WWOX: variants seen among roughly 807,000 people sequenced by gnomAD.
WWOX encodes the protein WW domain-containing oxidoreductase.
In WWOX, 69 loss-of-function variants were observed where a neutral mutation model predicts 46.2. The observed-to-expected ratio is 1.49, with a 90% CI of 1.23 to 1.82. The LOEUF is 1.82. WWOX is among the 40% of genes most tolerant of loss of function. WWOX has a pLI of 0.00. For missense variants in WWOX, 919 were observed against 542.6 expected, an observed-to-expected ratio of 1.69 and a Z score of -6.89; for synonymous variants, 359 against 202.6, an observed-to-expected ratio of 1.77 and a Z score of -6.56.
At chr16:78,265,829 A>G (rs1235225197) in intron 5 of WWOX, 1 of 152,222 alleles carries the variant, frequency 6.6e-6, no homozygotes, top group East Asian at 1.9e-4. Flanking sequence ...TTATTTGTCA[A>G]GTAAATAGAC....
chr16:78,164,470 C>T (rs886979517), intron 5 of WWOX, among the ~76,000 whole-genome samples, 181 bp downstream of exon 5: 8 of 152,172 alleles, frequency 5.3e-5, no homozygotes, highest in African/African-American at 9.7e-5. Flanking sequence ...TTATTATTCA[C>T]GCATTTGTTT....
In WWOX at chr16:79,212,404, T is replaced by A. The variant is rs1456877232; in HGVS notation, c.*608T>A. 2.4e-6 allele frequency: 1 copy of A among 424,270 alleles called. No homozygotes were observed. The highest frequency in any genetic ancestry group is 4.2e-6 in the Non-Finnish European group (1 of 239,140). 26.3% of individuals were successfully genotyped at this position (424,270 alleles called of 1,614,324 possible). A position where few individuals can be genotyped will look rare whatever the true frequency, so the allele number is the denominator to read the frequency against. Reference sequence around the variant, plus strand: ...CTACCAGGTGGCAAAGTACTTGTCATAGACTCCTTTGCTAATGCTATGCAA... The same window carrying A: ...CTACCAGGTGGCAAAGTACTTGTCAAAGACTCCTTTGCTAATGCTATGCAA... On this transcript the variant is annotated 3_prime_UTR_variant, in exon 9 of 9. Coordinates refer to ENST00000566780, the MANE Select transcript of WWOX (RefSeq NM_016373.4).
At chr16:78,583,759 A>G (rs977955883) in intron 8 of WWOX, among the ~76,000 whole-genome samples, 2 of 152,226 alleles carry the variant, frequency 1.3e-5, no homozygotes, top group Non-Finnish European at 2.9e-5. Context: ...TGCTTTTGAC[A>G]TGGAAAATCA....
At chr16:78,875,228 T>C (rs2044211558) in intron 8 of WWOX, among the ~76,000 whole-genome samples, 1 of 152,162 alleles carries the variant, frequency 6.6e-6, no homozygotes, top group Non-Finnish European at 1.5e-5. Context: ...ATTTCAGTGT[T>C]GGATGTTCAC....
rs1383077678 is a variant in WWOX, at chr16:78,688,323, G to A, written c.1056+255571G>A. On this transcript the variant is annotated intron_variant, in intron 8 of 8. Transcript: ENST00000566780. ...TCAGAAATAGGAAAATTTTCTGAGA[G>A]AAAATTCACGAGATCATTCATGATG... is the stretch of plus-strand genomic sequence containing the variant. Among the ~76,000 whole-genome samples the A allele has an allele frequency of 3.4e-5, 5 of 146,024 alleles. No individual in the cohort carries two copies. In the East Asian group the frequency reaches 1.0e-3, roughly 29 times the overall value.
chr16:78,314,864 T>C (rs1001649435), intron 5 of WWOX, among the ~76,000 whole-genome samples: 1 of 152,130 alleles, frequency 6.6e-6, no homozygotes, highest in Non-Finnish European at 1.5e-5. Flanking sequence ...TGGTGTCATT[T>C]TGATGTACTG....
At chr16:78,879,887 AAAG>A (rs1426477763) in intron 8 of WWOX, among the ~76,000 whole-genome samples, 11 of 151,670 alleles carry the variant, frequency 7.3e-5, no homozygotes, top group East Asian at 1.9e-4. Context: ...CAAAAAAAAA[AAAG>A]AAGAAGAAGA....
At chr16:78,561,736 G>C (rs1439325823) in intron 8 of WWOX, among the ~76,000 whole-genome samples, 1 of 152,190 alleles carries the variant, frequency 6.6e-6, no homozygotes, top group East Asian at 1.9e-4. Context: ...GGGAATCAGA[G>C]GTTTTATTAC....
chr16:79,089,568 G>A (rs867210209), intron 8 of WWOX, among the ~76,000 whole-genome samples: 1 of 152,120 alleles, frequency 6.6e-6, no homozygotes. Flanking sequence ...CTGACCTCAT[G>A]ATCTGCCCGC....
chr16:78,294,102 A>G (rs2079904105), intron 5 of WWOX, among the ~76,000 whole-genome samples: 1 of 147,524 alleles, frequency 6.8e-6, no homozygotes, highest in African/African-American at 2.5e-5. Flanking sequence ...CCTTCTGCCC[A>G]TTTGTCCTCT....
intron 4 of WWOX, among the ~76,000 whole-genome samples, chr16:78,129,302 A>G (rs1051465892): frequency 6.6e-6 from 1 of 152,110 alleles, no homozygotes; most frequent in Non-Finnish European, 1.5e-5. Context: ...TCTCACTTGT[A>G]TGTTCCTTAC....
intron 5 of WWOX, among the ~76,000 whole-genome samples, chr16:78,332,247 C>A (rs1340483605): frequency 6.6e-6 from 1 of 152,280 alleles, no homozygotes; most frequent in South Asian, 2.1e-4. Flanking sequence ...AATCCCAGAT[C>A]CCAGATGGAT....
intron 6 of WWOX, among the ~76,000 whole-genome samples, chr16:78,403,273 C>A (rs780830995): frequency 1.2e-4 from 19 of 152,326 alleles, no homozygotes; most frequent in Non-Finnish European, 2.5e-4. Context: ...CCACTCCCTG[C>A]ATTAAAACTG....
intron 8 of WWOX, among the ~76,000 whole-genome samples, chr16:78,872,096 A>G (rs1462221803): frequency 6.6e-6 from 1 of 152,186 alleles, no homozygotes; most frequent in African/African-American, 2.4e-5. Flanking sequence ...GTTCATTTCC[A>G]CTTCTAATGA....
At chr16:78,810,370 C>A (rs897506315) in intron 8 of WWOX, among the ~76,000 whole-genome samples, 1 of 152,204 alleles carries the variant, frequency 6.6e-6, no homozygotes, top group African/African-American at 2.4e-5. Context: ...TATGTGGACA[C>A]ATGCAGCCAC....
At chr16:78,557,369 T>G (rs904594454) in intron 8 of WWOX, among the ~76,000 whole-genome samples, 1 of 152,208 alleles carries the variant, frequency 6.6e-6, no homozygotes, top group African/African-American at 2.4e-5. Flanking sequence ...ACCGGGCTCT[T>G]GGGAATATCT....
chr16:78,332,058 C>A (rs576392455), intron 5 of WWOX, among the ~76,000 whole-genome samples: 3 of 152,164 alleles, frequency 2.0e-5, no homozygotes, highest in South Asian at 2.1e-4. Flanking sequence ...ATTACTGTTT[C>A]TCTGTTGAGG....
chr16:78,783,834 G>A (rs546129132), intron 8 of WWOX, among the ~76,000 whole-genome samples: 2 of 144,004 alleles, frequency 1.4e-5, no homozygotes, highest in Admixed American at 6.9e-5. Flanking sequence ...GATGCTGATG[G>A]TGGTGATGAT....
intron 8 of WWOX, among the ~76,000 whole-genome samples, chr16:79,087,271 T>C (rs2048870962): frequency 6.6e-6 from 1 of 152,186 alleles, no homozygotes; most frequent in African/African-American, 2.4e-5. Flanking sequence ...GTGTGAAGCA[T>C]GGGGACCTCC....
Sources: gnomAD v4.1 joint callset for allele counts (sites outside exome capture counted in the v4.1 genomes callset) on GRCh38, gnomAD v4.1.1 for gene constraint, MANE v1.5 for transcripts, NCBI Gene and HGNC (gene_info 2026-07-23, HGNC 2026-07-21) for gene names.